Variants in NAA60 observed in about 807,000 individuals in gnomAD.
NAA60 encodes the protein N-alpha-acetyltransferase 60, NatF catalytic subunit.
Under a neutral mutation model 26.1 loss-of-function variants are expected in NAA60, and 8 were observed. That is an observed-to-expected ratio of 0.31 (90% confidence interval 0.18 to 0.55). The LOEUF (loss-of-function observed/expected upper bound fraction) is 0.55, where lower values mean the gene tolerates loss of function less well. Ranked by LOEUF, NAA60 falls within the 20% of genes least tolerant of loss-of-function variation. NAA60 has a pLI of 0.93. For missense variants in NAA60, 290 were observed against 311.3 expected (o/e 0.93, Z 0.51); for synonymous variants, 131 against 122.5 (o/e 1.07, Z -0.46).
chr16:3,479,651 C>T, intron 4 of NAA60, 51 bp downstream of exon 4: 1 of 1,594,452 alleles, frequency 6.3e-7, no homozygotes, highest in Non-Finnish European at 8.6e-7. Flanking sequence ...ATTGGACGGG[C>T]CAAGGGGGCT....
intron 2 of NAA60, among the ~76,000 whole-genome samples, chr16:3,457,266 T>G (rs1308122769): frequency 6.6e-6 from 1 of 151,988 alleles, no homozygotes; most frequent in African/African-American, 2.4e-5. Flanking sequence ...GGCAACATAA[T>G]GACATTCCCA....
chr16:3,472,782 G>A (rs182522491), intron 2 of NAA60, among the ~76,000 whole-genome samples: 31 of 152,220 alleles, frequency 2.0e-4, no homozygotes, highest in Admixed American at 7.2e-4. Context: ...TGGCATACCC[G>A]TTATCCAGAT....
chr16:3,470,853 G>A (rs187123689), intron 2 of NAA60, among the ~76,000 whole-genome samples: 17 of 152,354 alleles, frequency 1.1e-4, no homozygotes, highest in Admixed American at 4.6e-4. Context: ...CAGGTGACCC[G>A]AGTCTCTGTT....
At chr16:3,462,195 G>A (rs966562500) in intron 2 of NAA60, among the ~76,000 whole-genome samples, 3 of 151,686 alleles carry the variant, frequency 2.0e-5, no homozygotes, top group African/African-American at 7.3e-5. Flanking sequence ...CCTGAAATAG[G>A]GTCGATTTGG....
chr16:3,464,471 C>G (rs928263525), intron 2 of NAA60, among the ~76,000 whole-genome samples: 1 of 152,098 alleles, frequency 6.6e-6, no homozygotes, highest in Non-Finnish European at 1.5e-5. Flanking sequence ...CTCTGAAACC[C>G]GACCCTCTCT....
At position 3,462,971 on chromosome 16, in the gene NAA60, C is replaced by A. The variant is rs548401357; in HGVS notation, c.-6-13251C>A. On this transcript the variant is annotated intron_variant, in intron 2 of 7. Coordinates refer to ENST00000407558, the MANE Select transcript of NAA60 (RefSeq NM_001083601.3). ...TTTAAAATTAGATTTTATATAGCCA[C>A]GCAAATTGTTCTTTAATGGTTATGT... Among the ~76,000 whole-genome samples the A allele has an allele frequency of 1.1e-4, 17 of 152,220 alleles. 1 individual carries two copies. Among genetic ancestry groups the A allele is most frequent in the African/African-American group, 4.1e-4 (17 of 41,530 alleles).
rs2035250717 is a variant in NAA60, at chr16:3,459,725, T to A, written c.-7+11185T>A. 2.0e-5 allele frequency among the ~76,000 whole-genome samples: 3 copies of A among 152,048 alleles called. No homozygotes were observed. In the South Asian group the frequency reaches 6.3e-4, roughly 32 times the overall value. Reference sequence around the variant, plus strand: ...AGCAAAGTCAAGGCATGGTCTGGTATCAGCATGCCAGAATAAAACACACAG... The same window carrying A: ...AGCAAAGTCAAGGCATGGTCTGGTAACAGCATGCCAGAATAAAACACACAG... On this transcript the variant is annotated intron_variant, in intron 2 of 7. Transcript: ENST00000407558.
intron 2 of NAA60, among the ~76,000 whole-genome samples, chr16:3,474,455 G>C (rs1259491348): frequency 1.3e-5 from 2 of 152,226 alleles, no homozygotes; most frequent in East Asian, 1.9e-4. Context: ...CCAGGAATCT[G>C]ATTAACTAAG....
intron 2 of NAA60, chr16:3,457,991 C>T: frequency 1.2e-5 from 12 of 985,344 alleles, no homozygotes; most frequent in Non-Finnish European, 1.3e-5. Context: ...GGCCAATGGG[C>T]TTCCGGGCTG....
At chr16:3,451,682 C>T (rs948974163) in intron 2 of NAA60, among the ~76,000 whole-genome samples, 2 of 151,882 alleles carry the variant, frequency 1.3e-5, no homozygotes, top group Admixed American at 1.3e-4. Context: ...CTTTGGGAGG[C>T]CAAGGTGGGT....
In NAA60 at chr16:3,462,717, T is replaced by A. The variant is rs530326629; in HGVS notation, c.-6-13505T>A. 5.3e-5 allele frequency: 8 copies of A among 152,284 alleles called. No individual in the cohort carries two copies. The South Asian group carries it at 1.7e-3, about 32-fold the overall frequency. 9.4% of individuals were successfully genotyped at this position (152,284 alleles called of 1,614,324 possible). A position where few individuals can be genotyped will look rare whatever the true frequency, so the allele number is the denominator to read the frequency against. ...TCTTCTATTAAGAAAAGCGTTTTTC[T>A]TGTTGTAAGCACAAGAAACCACTAA... is the stretch of plus-strand genomic sequence containing the variant. On this transcript the variant is annotated intron_variant, in intron 2 of 7. Coordinates refer to ENST00000407558, the MANE Select transcript of NAA60 (RefSeq NM_001083601.3).
intron 2 of NAA60, among the ~76,000 whole-genome samples, chr16:3,475,809 G>C (rs1468861142): frequency 6.6e-6 from 1 of 152,280 alleles, no homozygotes; most frequent in Non-Finnish European, 1.5e-5. Context: ...ATGAGGCATG[G>C]GGGCTGCTGA....
At chr16:3,483,005 C>G in intron 5 of NAA60, 1 of 470,894 alleles carries the variant, frequency 2.1e-6, no homozygotes, top group East Asian at 3.9e-5. Flanking sequence ...CCCACTCGGC[C>G]ACACGGCCAG....
intron 2 of NAA60, chr16:3,468,199 T>G (rs2150983714): frequency 6.6e-6 from 1 of 152,342 alleles, no homozygotes; most frequent in South Asian, 2.1e-4. Flanking sequence ...AAATGAAGAC[T>G]TGGCCGGAGA....
intron 2 of NAA60, among the ~76,000 whole-genome samples, chr16:3,451,596 C>T (rs1277545493): frequency 6.6e-6 from 1 of 152,058 alleles, no homozygotes; most frequent in Non-Finnish European, 1.5e-5. Flanking sequence ...ACAATGAGAC[C>T]TTTTTCAGTT....
intron 7 of NAA60, 83 bp downstream of exon 7, chr16:3,485,144 GGCAGAGCCGGAAGGGGCCGTGGGGACT>G (rs1596368426): frequency 2.3e-6 from 2 of 855,428 alleles, no homozygotes; most frequent in East Asian, 5.3e-5. Context: ...CACAGAGAAC[GGCAGAGCCGGAAGGGGCCGTGGGGACT>G]GCAGAGTCCA....
intron 2 of NAA60, among the ~76,000 whole-genome samples, chr16:3,451,567 C>G (rs950791431): frequency 6.6e-6 from 1 of 152,166 alleles, no homozygotes; most frequent in Non-Finnish European, 1.5e-5. Context: ...ATCAAACTTA[C>G]TGAGAAATGT....
At position 3,448,549 on chromosome 16, in the gene NAA60, A is replaced by G. The variant is rs747977105; in HGVS notation, c.-7+9A>G. The G allele has an allele frequency of 6.5e-7, 1 of 1,535,062 alleles. No individual in the cohort carries two copies. The highest frequency in any genetic ancestry group is 1.2e-5 in the South Asian group (1 of 84,038). On this transcript the variant is annotated intron_variant, in intron 2 of 7. Coordinates refer to ENST00000407558, the MANE Select transcript of NAA60 (RefSeq NM_001083601.3). ...GAGAAGAGCTCCAGAGAGTGAGTCA[A>G]AGCGCTCTGTGTCCTGCTATTAATG...
At chr16:3,470,671 TG>T (rs150498238) in intron 2 of NAA60, among the ~76,000 whole-genome samples, 41,478 of 151,220 alleles carry the variant, frequency 0.27, 6,012 homozygotes, top group Non-Finnish European at 0.32. Flanking sequence ...CCAGTGGGGT[TG>T]GGGGGGGCCG....
Sources: allele counts gnomAD v4.1 joint callset (sites outside exome capture counted in the v4.1 genomes callset), GRCh38; gene constraint gnomAD v4.1.1; transcripts MANE v1.5; gene names NCBI Gene and HGNC (gene_info 2026-07-23, HGNC 2026-07-21).